Variants in ACO1 observed in about 807,000 individuals in gnomAD.
ACO1 encodes cytoplasmic aconitate hydratase.
ACO1 carries 78 observed loss-of-function variants against 105.1 expected under a neutral mutation model. The observed-to-expected ratio is 0.74, with a 90% CI of 0.62 to 0.90. ACO1 has a LOEUF of 0.90. ACO1 is among the 40% of genes least tolerant of loss of function. The probability of loss-of-function intolerance (pLI) is 0.00; values close to 1 mark genes in which losing one functional copy is unlikely to be tolerated. For synonymous variants in ACO1, 364 were observed against 397.4 expected (o/e 0.92, Z 1.00); for missense variants, 965 against 1,111.1 (o/e 0.87, Z 1.87).
At chr9:32,422,683 G>A (rs921147249) in intron 8 of ACO1, among the ~76,000 whole-genome samples, 5 of 152,132 alleles carry the variant, frequency 3.3e-5, no homozygotes, top group African/African-American at 1.2e-4. Flanking sequence ...GAACTTTTGG[G>A]TCAAGCTCTG....
intron 1 of ACO1, among the ~76,000 whole-genome samples, chr9:32,390,270 A>G (rs1010630089): frequency 2.0e-5 from 3 of 152,224 alleles, no homozygotes; most frequent in Non-Finnish European, 2.9e-5. Context: ...TGTCAGCCAT[A>G]CTGAACTGCT....
chr9:32,452,481 G>T lies in ACO1; in HGVS notation c.*2370G>T. ...TGGGTTCTCACCAGATACTGAATCT[G>T]CCAGTGCCTTGAACCTAGACTTTCC... On this transcript the variant is annotated 3_prime_UTR_variant, in exon 21 of 21. Coordinates refer to ENST00000309951, the MANE Select transcript of ACO1 (RefSeq NM_002197.3). 6.6e-6 allele frequency: 1 copy of T among 152,422 alleles called. No individual in the cohort carries two copies. The allele number at this position is 152,422 out of a possible 1,614,324, so 9.4% of individuals were successfully genotyped here.
At chr9:32,443,584 TA>T in intron 19 of ACO1, among the ~76,000 whole-genome samples, 1 of 152,376 alleles carries the variant, frequency 6.6e-6, no homozygotes, top group East Asian at 1.9e-4. Flanking sequence ...TATTTAATAC[TA>T]ATATTTCAGA....
chr9:32,416,908 A>G (rs781173677), intron 4 of ACO1, among the ~76,000 whole-genome samples: 5 of 152,214 alleles, frequency 3.3e-5, no homozygotes, highest in Non-Finnish European at 7.3e-5. Flanking sequence ...GGTTGTGATG[A>G]TAAGTTCACA....
intron 1 of ACO1, among the ~76,000 whole-genome samples, chr9:32,396,412 A>G (rs573131188): frequency 5.9e-4 from 89 of 152,104 alleles, no homozygotes; most frequent in African/African-American, 1.9e-3. Context: ...TTACAACATC[A>G]AAATTGGCTA....
rs763643632 is a variant in ACO1 at position 32,450,227 on chromosome 9, C to T, written c.*116C>T. On this transcript the variant is annotated 3_prime_UTR_variant, in exon 21 of 21. Coordinates refer to ENST00000309951, the MANE Select transcript of ACO1 (RefSeq NM_002197.3). Reference sequence around the variant, plus strand: ...GAGGGGTGCTGCCTTGTAGATGGAGCAAGTGAGCACTGAGGGTCTGGTGCC... The same window carrying T: ...GAGGGGTGCTGCCTTGTAGATGGAGTAAGTGAGCACTGAGGGTCTGGTGCC... 5.0e-6 allele frequency: 4 copies of T among 805,094 alleles called. No homozygotes were observed. The highest frequency in any genetic ancestry group is 2.4e-5 in the East Asian group (1 of 41,072). 49.9% of individuals were successfully genotyped at this position (805,094 alleles called of 1,614,324 possible).
intron 1 of ACO1, among the ~76,000 whole-genome samples, chr9:32,403,737 T>A (rs528577143): frequency 2.2e-4 from 34 of 152,316 alleles, no homozygotes; most frequent in African/African-American, 7.9e-4. Flanking sequence ...TTCAGACACT[T>A]AAGGCCATTG....
intron 17 of ACO1, among the ~76,000 whole-genome samples, chr9:32,435,230 C>T: frequency 6.6e-6 from 1 of 152,146 alleles, no homozygotes; most frequent in Non-Finnish European, 1.5e-5. Flanking sequence ...CCACGAGAAT[C>T]ACGTGAGGAC....
intron 12 of ACO1, 32 bp from the exon 13 acceptor site, chr9:32,429,387 T>TTG (rs746528970): frequency 5.6e-6 from 9 of 1,599,660 alleles, no homozygotes; most frequent in South Asian, 3.3e-5. Context: ...TATTCTTTTT[T>TTG]TGTGTGTGTG....
intron 1 of ACO1, among the ~76,000 whole-genome samples, chr9:32,399,730 C>T (rs187423899): frequency 1.3e-5 from 2 of 150,922 alleles, no homozygotes; most frequent in South Asian, 2.1e-4. Flanking sequence ...AAATATCACA[C>T]GATTGTCCTA....
chr9:32,390,766 A>G (rs1173365828), intron 1 of ACO1, among the ~76,000 whole-genome samples: 1 of 152,216 alleles, frequency 6.6e-6, no homozygotes, highest in Non-Finnish European at 1.5e-5. Context: ...AATTTGAGCC[A>G]TGAAAAGAGT....
Position 32,420,991 on chromosome 9 carries a change from G to C in ACO1, c.934G>C (p.Val312Leu). 1.2e-6 allele frequency: 2 copies of C among 1,614,162 alleles called. No homozygotes were observed. The highest frequency in any genetic ancestry group is 1.7e-6 in the Non-Finnish European group (2 of 1,180,038). ...CGGAGCAACTGCTGCCTTTTTCCCA[G>C]TTGATGAAGTTAGTATCACGTACCT... ...EYGATAAFFP[V>L]DEVSITYLVQ... Residue 312 changes from valine (V) to leucine (L), a missense_variant, in exon 8 of 21, where the codon GTT becomes CTT. Val to Leu is a conservative substitution (Grantham distance 32). Transcript: ENST00000309951.
chr9:32,434,650 C>T lies in ACO1; in HGVS notation c.2048C>T (p.Ala683Val). The T allele has an allele frequency of 4.3e-6, 7 of 1,614,138 alleles. No individual in the cohort carries two copies. Among genetic ancestry groups the T allele is most frequent in the Non-Finnish European group, 5.9e-6 (7 of 1,180,002 alleles). ...DSVTTDHISPAGNIARNSPAA... is the reference protein window; with the variant it reads ...DSVTTDHISPVGNIARNSPAA... ...GTAACAACTGACCACATCTCCCCAGCTGGAAATATTGCAAGAAACAGTCCT... is the reference window on the plus strand; with the variant it reads ...GTAACAACTGACCACATCTCCCCAGTTGGAAATATTGCAAGAAACAGTCCT... Residue 683 changes from alanine to valine, a missense_variant, in exon 17 of 21, where the codon GCT (alanine) becomes GTT (valine). Ala to Val is a moderately conservative substitution (Grantham distance 64). Coordinates refer to ENST00000309951, the MANE Select transcript of ACO1 (RefSeq NM_002197.3).
chr9:32,398,102 G>A (rs1383468252), intron 1 of ACO1, among the ~76,000 whole-genome samples: 1 of 152,148 alleles, frequency 6.6e-6, no homozygotes, highest in Non-Finnish European at 1.5e-5. Context: ...TCCTCCTGCT[G>A]TGTGGAAATC....
chr9:32,402,144 C>T (rs1395692014), intron 1 of ACO1, among the ~76,000 whole-genome samples: 1 of 152,216 alleles, frequency 6.6e-6, no homozygotes, highest in Non-Finnish European at 1.5e-5. Context: ...TGAATAATTG[C>T]TCCCACCTTG....
chr9:32,399,388 T>C (rs75634542), intron 1 of ACO1, among the ~76,000 whole-genome samples: 1 of 152,342 alleles, frequency 6.6e-6, no homozygotes, highest in African/African-American at 2.4e-5. Context: ...AAGATTGGCT[T>C]TTTAATGTCT....
chr9:32,426,954 A>G (rs1021481553), intron 11 of ACO1, among the ~76,000 whole-genome samples: 1 of 147,890 alleles, frequency 6.8e-6, no homozygotes, highest in Non-Finnish European at 1.5e-5. Flanking sequence ...CAAATAAAAC[A>G]TAATTAGAAA....
In ACO1 at chr9:32,429,442, G is replaced by T; in HGVS notation, c.1508G>T (p.Cys503Phe). 1 of 1,614,164 alleles carries T rather than the reference G, an allele frequency of 6.2e-7. No homozygotes were observed. Residue 503 changes from cysteine to phenylalanine, a missense_variant, in exon 13 of 21, where the codon TGC (cysteine) becomes TTC (phenylalanine). Cys to Phe is a radical substitution (Grantham distance 205). Transcript: ENST00000309951. ...QLGFDVVGYG[C>F]MTCIGNSGPL... is the part of the protein sequence containing the mutation. ...AGGTTTGACGTGGTGGGCTATGGCT[G>T]CATGACCTGCATTGGCAACAGTGGG...
chr9:32,395,076 G>A (rs1179118627), intron 1 of ACO1, among the ~76,000 whole-genome samples: 1 of 152,200 alleles, frequency 6.6e-6, no homozygotes, highest in East Asian at 1.9e-4. Context: ...AGGAGCCTGA[G>A]GAAATCATGC....
Sources: allele counts gnomAD v4.1 joint callset (sites outside exome capture counted in the v4.1 genomes callset), GRCh38; gene constraint gnomAD v4.1.1; transcripts MANE v1.5; gene names NCBI Gene and HGNC (gene_info 2026-07-23, HGNC 2026-07-21).